The following CPNE4 variants were observed in gnomAD, a reference collection of about 807,000 sequenced individuals.
The protein encoded by CPNE4 is copine 4.
In CPNE4, 25 loss-of-function variants were observed where a neutral mutation model predicts 67.9. The observed-to-expected ratio is 0.37, with a 90% CI of 0.27 to 0.51. CPNE4 has a LOEUF of 0.51. CPNE4 is among the 20% of genes least tolerant of loss of function. The pLI, the probability that CPNE4 is intolerant of heterozygous loss-of-function variation, is 0.93. For synonymous variants in CPNE4, 242 were observed against 244.9 expected (o/e 0.99, Z 0.11); for missense variants, 464 against 690.8 (o/e 0.67, Z 3.68).
chr3:131,853,483 A>G (rs1487681171), intron 2 of CPNE4, among the ~76,000 whole-genome samples: 1 of 151,842 alleles, frequency 6.6e-6, no homozygotes, highest in Non-Finnish European at 1.5e-5. Flanking sequence ...AAAACACAAG[A>G]GAATATTTCT....
intron 7 of CPNE4, among the ~76,000 whole-genome samples, chr3:131,622,359 T>A (rs765740547): frequency 6.6e-6 from 1 of 152,232 alleles, no homozygotes; most frequent in African/African-American, 2.4e-5. Context: ...TTAAGTTTGC[T>A]CAGTTATCAA....
At chr3:132,023,633 A>G (rs1331768668) in intron 1 of CPNE4, among the ~76,000 whole-genome samples, 2 of 149,712 alleles carry the variant, frequency 1.3e-5, no homozygotes, top group African/African-American at 2.4e-5. Context: ...GACCACAAGC[A>G]CCCGCCACTA....
intron 1 of CPNE4, among the ~76,000 whole-genome samples, chr3:131,935,714 C>T (rs2071201312): frequency 1.3e-5 from 2 of 152,132 alleles, no homozygotes; most frequent in South Asian, 4.1e-4. Context: ...TGAGAAATAG[C>T]TTCTGCTTGA....
intron 4 of CPNE4, among the ~76,000 whole-genome samples, chr3:131,699,677 C>G (rs535772423): frequency 6.6e-6 from 1 of 152,224 alleles, no homozygotes; most frequent in South Asian, 2.1e-4. Flanking sequence ...AATTAAATAA[C>G]CTTACTTTCA....
chr3:131,981,739 C>T (rs2072914444), intron 1 of CPNE4, among the ~76,000 whole-genome samples: 1 of 152,198 alleles, frequency 6.6e-6, no homozygotes, highest in African/African-American at 2.4e-5. Flanking sequence ...CTAGGAGACC[C>T]AGCAAGCTCC....
Position 131,660,993 on chromosome 3 carries a change from G to A in CPNE4, c.681+8682C>T, listed in dbSNP as rs978354602. Among the ~76,000 whole-genome samples the A allele has an allele frequency of 1.1e-4, 16 of 152,280 alleles. 1 individual carries two copies. The highest frequency in any genetic ancestry group is 6.5e-4 in the Admixed American group (10 of 15,292). On this transcript the variant is annotated intron_variant, in intron 7 of 15. Transcript: ENST00000429747. ...AAATAAGTCCCTAAGATATGGATGA[G>A]CCACAAGATAGAAGCAACCTGAGTT...
intron 2 of CPNE4, among the ~76,000 whole-genome samples, chr3:131,764,989 A>G (rs1405420333): frequency 2.0e-5 from 3 of 152,150 alleles, no homozygotes; most frequent in Non-Finnish European, 4.4e-5. Context: ...AGTGGATTTT[A>G]GGAGGCAGCA....
chr3:131,857,083 T>C (rs929011068), intron 2 of CPNE4, among the ~76,000 whole-genome samples: 1 of 152,108 alleles, frequency 6.6e-6, no homozygotes, highest in African/African-American at 2.4e-5. Flanking sequence ...ATGTGTCAAA[T>C]CTTTGCTTCA....
At chr3:131,912,730 A>T (rs2089028231) in intron 1 of CPNE4, among the ~76,000 whole-genome samples, 3 of 152,274 alleles carry the variant, frequency 2.0e-5, no homozygotes, top group African/African-American at 7.2e-5. Context: ...GGAGGCATAA[A>T]TGAGATAGTC....
intron 2 of CPNE4, among the ~76,000 whole-genome samples, chr3:131,813,473 A>G (rs1228021338): frequency 6.7e-6 from 1 of 148,794 alleles, no homozygotes; most frequent in Non-Finnish European, 1.5e-5. Flanking sequence ...TATTTTATTT[A>G]TATGTATTTA....
intron 2 of CPNE4, among the ~76,000 whole-genome samples, chr3:131,788,857 CAT>C (rs1044183234): frequency 7.2e-5 from 11 of 151,804 alleles, no homozygotes; most frequent in African/African-American, 2.4e-4. Context: ...TACATACACA[CAT>C]ATATATATAA....
intron 2 of CPNE4, among the ~76,000 whole-genome samples, chr3:131,846,097 T>C (rs1201796560): frequency 6.6e-6 from 1 of 152,196 alleles, no homozygotes; most frequent in Non-Finnish European, 1.5e-5. Context: ...CTGAGCAATT[T>C]TGGGCAAGGC....
rs371805482 is a variant in CPNE4 at position 131,932,736 on chromosome 3, T to C, written c.-1-27292A>G. Among the ~76,000 whole-genome samples, 39 of 151,224 alleles carry C rather than the reference T, an allele frequency of 2.6e-4. 3 individuals are homozygous for C. The South Asian group carries it at 7.7e-3, about 30-fold the overall frequency. On this transcript the variant is annotated intron_variant, in intron 1 of 15. Coordinates refer to ENST00000429747, the MANE Select transcript of CPNE4 (RefSeq NM_130808.3). ...TGAGGTCAGGAGTTCGAAAGCAGCC[T>C]GGCAAACACGGTGAAATAGCAGAAT...
intron 2 of CPNE4, among the ~76,000 whole-genome samples, chr3:131,856,373 T>C (rs938534710): frequency 2.6e-5 from 4 of 151,902 alleles, no homozygotes; most frequent in African/African-American, 7.2e-5. Context: ...TGAGTCATCA[T>C]ACCTGTAATC....
intron 1 of CPNE4, among the ~76,000 whole-genome samples, chr3:132,031,734 T>G (rs80141717): frequency 0.019 from 2,933 of 152,324 alleles, 100 homozygotes; most frequent in African/African-American, 0.066. Context: ...AGTGCAAACC[T>G]TATAAATGTG....
At chr3:131,801,961 G>A (rs1001731266) in intron 2 of CPNE4, among the ~76,000 whole-genome samples, 13 of 147,996 alleles carry the variant, frequency 8.8e-5, no homozygotes, top group African/African-American at 3.2e-4. Flanking sequence ...TTAATCAGAT[G>A]GACTGATCTT....
intron 2 of CPNE4, among the ~76,000 whole-genome samples, chr3:131,851,825 A>G (rs980902430): frequency 6.6e-6 from 1 of 152,220 alleles, no homozygotes; most frequent in East Asian, 1.9e-4. Flanking sequence ...CTTTTAGAAC[A>G]TATAGCCTTG....
intron 7 of CPNE4, among the ~76,000 whole-genome samples, chr3:131,666,384 G>A (rs180777837): frequency 2.0e-3 from 307 of 152,166 alleles, no homozygotes; most frequent in African/African-American, 7.2e-3. Flanking sequence ...GAATGATTTT[G>A]AGAGACATTA....
intron 7 of CPNE4, among the ~76,000 whole-genome samples, chr3:131,666,013 G>A (rs922628754): frequency 2.0e-5 from 3 of 152,102 alleles, no homozygotes; most frequent in African/African-American, 7.2e-5. Flanking sequence ...TATTAGATAA[G>A]TTGTTTATAA....
Sources: allele counts gnomAD v4.1 joint callset (sites outside exome capture counted in the v4.1 genomes callset), GRCh38; gene constraint gnomAD v4.1.1; transcripts MANE v1.5; gene names NCBI Gene and HGNC (gene_info 2026-07-23, HGNC 2026-07-21).